The following LHFPL6 variants were observed in gnomAD, a reference collection of about 807,000 sequenced individuals.
LHFPL6 encodes the protein LHFPL tetraspan subfamily member 6.
Under a neutral mutation model 20.6 loss-of-function variants are expected in LHFPL6, and 9 were observed. The ratio of observed to expected loss-of-function variants is 0.44; its 90% CI spans 0.26 to 0.76. LHFPL6 has a LOEUF of 0.76. Ranked by LOEUF, LHFPL6 falls within the 30% of genes least tolerant of loss-of-function variation. The probability of loss-of-function intolerance (pLI) is 0.20; values close to 1 mark genes in which losing one functional copy is unlikely to be tolerated. For missense variants in LHFPL6, 218 were observed against 253.5 expected, an observed-to-expected ratio of 0.86 and a Z score of 0.95; for synonymous variants, 105 against 98.7, an observed-to-expected ratio of 1.06 and a Z score of -0.38.
chr13:39,365,940 T>C (rs556013257), intron 3 of LHFPL6, among the ~76,000 whole-genome samples: 2 of 152,274 alleles, frequency 1.3e-5, no homozygotes, highest in Non-Finnish European at 2.9e-5. Flanking sequence ...GGTATCAAAA[T>C]ACTAAAATAT....
At chr13:39,385,522 C>T (rs568740587) in intron 2 of LHFPL6, among the ~76,000 whole-genome samples, 1 of 152,326 alleles carries the variant, frequency 6.6e-6, no homozygotes, top group South Asian at 2.1e-4. Context: ...ATACACTGGC[C>T]GTAAACCACC....
At chr13:39,556,222 G>C (rs1871299870) in intron 2 of LHFPL6, among the ~76,000 whole-genome samples, 1 of 152,146 alleles carries the variant, frequency 6.6e-6, no homozygotes, top group Non-Finnish European at 1.5e-5. Context: ...ACAGAAAATT[G>C]GCACTAAGGA....
At chr13:39,594,031 A>G (rs1395476747) in intron 2 of LHFPL6, among the ~76,000 whole-genome samples, 2 of 117,146 alleles carry the variant, frequency 1.7e-5, no homozygotes, top group Non-Finnish European at 4.0e-5. Context: ...AAACTTAGGC[A>G]TTACCATTCA....
intron 3 of LHFPL6, among the ~76,000 whole-genome samples, chr13:39,375,020 A>G (rs573920664): frequency 6.6e-6 from 1 of 152,244 alleles, no homozygotes; most frequent in Non-Finnish European, 1.5e-5. Flanking sequence ...GAGTAACAAC[A>G]TATCAAAAAC....
intron 2 of LHFPL6, among the ~76,000 whole-genome samples, chr13:39,403,391 T>A (rs937186445): frequency 2.0e-5 from 3 of 152,202 alleles, no homozygotes; most frequent in African/African-American, 7.2e-5. Context: ...TTCCAATCTT[T>A]CCAGGCTCTG....
intron 2 of LHFPL6, among the ~76,000 whole-genome samples, chr13:39,595,141 AAAT>A (rs1872731478): frequency 1.3e-5 from 2 of 152,072 alleles, no homozygotes; most frequent in Non-Finnish European, 2.9e-5. Flanking sequence ...AAATAAATAA[AAAT>A]AAAAACATTA....
At position 39,343,967 on chromosome 13, in the gene LHFPL6, G is replaced by A. The variant is rs569393753; in HGVS notation, c.572C>T (p.Ser191Leu). The A allele has an allele frequency of 2.5e-5, 41 of 1,613,728 alleles. No individual in the cohort carries two copies. In the Admixed American group the frequency reaches 4.3e-4, roughly 17 times the overall value. ...MLLCTWLACF[S>L]GKKQKHYPY The stretch of plus-strand genomic sequence containing the variant: ...TGGGTAGTGCTTCTGTTTCTTGCCC[G>A]AAAAGCAAGCCAGCCACGTGCACAG... Residue 191 changes from serine (S) to leucine (L), a missense_variant, in exon 4 of 4, where the codon TCG becomes TTG. By Grantham distance (145) the Ser-to-Leu change is moderately radical. Coordinates refer to ENST00000379589, the MANE Select transcript of LHFPL6 (RefSeq NM_005780.3).
intron 2 of LHFPL6, among the ~76,000 whole-genome samples, chr13:39,586,837 A>G (rs1872463089): frequency 6.6e-6 from 1 of 152,116 alleles, no homozygotes; most frequent in Non-Finnish European, 1.5e-5. Context: ...AGCCACTGAA[A>G]AGCTTCAATT....
intron 2 of LHFPL6, among the ~76,000 whole-genome samples, chr13:39,483,549 A>C (rs908376599): frequency 1.3e-5 from 2 of 151,464 alleles, no homozygotes; most frequent in African/African-American, 4.9e-5. Context: ...GCCTCAGGCA[A>C]AGGGCATTCT....
chr13:39,467,125 CTT>C (rs1872823036), intron 2 of LHFPL6, among the ~76,000 whole-genome samples: 1 of 152,144 alleles, frequency 6.6e-6, no homozygotes. Flanking sequence ...TTTCCATCTT[CTT>C]TGTGTCCCCA....
chr13:39,473,074 G>A (rs1872989793), intron 2 of LHFPL6, among the ~76,000 whole-genome samples: 1 of 152,056 alleles, frequency 6.6e-6, no homozygotes, highest in South Asian at 2.1e-4. Flanking sequence ...TCCGGATAAT[G>A]GAGCACTCAC....
intron 3 of LHFPL6, among the ~76,000 whole-genome samples, chr13:39,352,515 C>T (rs1869594954): frequency 6.6e-6 from 1 of 152,132 alleles, no homozygotes; most frequent in Admixed American, 6.5e-5. Context: ...ACAAAACCTC[C>T]ATGTTTACAG....
intron 2 of LHFPL6, among the ~76,000 whole-genome samples, chr13:39,498,013 G>A (rs1869157166): frequency 6.6e-6 from 1 of 152,132 alleles, no homozygotes; most frequent in South Asian, 2.1e-4. Context: ...AGCGAACTAT[G>A]ATAAATTAAC....
At chr13:39,411,115 T>G (rs1462111789) in intron 2 of LHFPL6, among the ~76,000 whole-genome samples, 2 of 152,244 alleles carry the variant, frequency 1.3e-5, no homozygotes, top group African/African-American at 4.8e-5. Context: ...TATGTATGCG[T>G]GAATAACCTG....
chr13:39,565,247 T>C lies in LHFPL6; in HGVS notation c.385+35585A>G, dbSNP rs1871672569. 2.0e-5 allele frequency among the ~76,000 whole-genome samples: 3 copies of C among 147,704 alleles called. No homozygotes were observed. The South Asian group carries it at 6.7e-4, about 33-fold the overall frequency. On this transcript the variant is annotated intron_variant, in intron 2 of 3. Transcript: ENST00000379589. The stretch of plus-strand genomic sequence containing the variant: ...AGTTGAATTACAGTATATTTCATCA[T>C]AGAATGATAGTGTACCCTTAAAAAA...
At chr13:39,422,393 T>C (rs1287539387) in intron 2 of LHFPL6, among the ~76,000 whole-genome samples, 2 of 152,144 alleles carry the variant, frequency 1.3e-5, no homozygotes. Context: ...GAGATCAGCC[T>C]GACCAACATG....
At chr13:39,577,291 C>T (rs983009186) in intron 2 of LHFPL6, among the ~76,000 whole-genome samples, 4 of 152,174 alleles carry the variant, frequency 2.6e-5, no homozygotes, top group African/African-American at 4.8e-5. Context: ...CAACAGGCTA[C>T]ACCCTAAGTG....
At chr13:39,591,969 G>C (rs774700858) in intron 2 of LHFPL6, among the ~76,000 whole-genome samples, 1 of 151,934 alleles carries the variant, frequency 6.6e-6, no homozygotes, top group African/African-American at 2.4e-5. Context: ...GATGGCAGGC[G>C]CCTGTAATCC....
intron 2 of LHFPL6, among the ~76,000 whole-genome samples, chr13:39,577,992 A>T (rs1872169003): frequency 6.6e-6 from 1 of 152,156 alleles, no homozygotes; most frequent in Admixed American, 6.5e-5. Flanking sequence ...ATATTTTAAA[A>T]TAGAAATGTC....
Sources: allele counts gnomAD v4.1 joint callset (sites outside exome capture counted in the v4.1 genomes callset), GRCh38; gene constraint gnomAD v4.1.1; transcripts MANE v1.5; gene names NCBI Gene and HGNC (gene_info 2026-07-23, HGNC 2026-07-21).